Variants in CCSER2 observed in about 807,000 individuals in gnomAD.
CCSER2 encodes coiled-coil serine rich protein 2, also known as serine-rich coiled-coil domain-containing protein 2.
CCSER2 carries 46 observed loss-of-function variants against 92.3 expected under a neutral mutation model. That is an observed-to-expected ratio of 0.50 (90% CI 0.39 to 0.64). The LOEUF (loss-of-function observed/expected upper bound fraction) is 0.64, where lower values mean the gene tolerates loss of function less well. Among genes scored for constraint, CCSER2 ranks in the 30% least tolerant of loss-of-function variants. The probability of loss-of-function intolerance (pLI) is 0.00; values close to 1 mark genes in which losing one functional copy is unlikely to be tolerated. For missense variants in CCSER2, 1,244 were observed against 1,238.9 expected, an observed-to-expected ratio of 1.00 and a Z score of -0.06; for synonymous variants, 433 against 431.4, an observed-to-expected ratio of 1.00 and a Z score of -0.04.
At chr10:84,397,368 A>C (rs1421691110) in intron 3 of CCSER2, among the ~76,000 whole-genome samples, 1 of 152,218 alleles carries the variant, frequency 6.6e-6, no homozygotes, top group African/African-American at 2.4e-5. Flanking sequence ...CATTTGATGT[A>C]ATATACAAAA....
rs895430217 is a variant in CCSER2 at position 84,518,364 on chromosome 10, T to C, written c.*4097T>C. ...TTACTAACAAAGAGCAAAAATAATA[T>C]CTGCAGTATTGTTTTTCCCATTGAT... On this transcript the variant is annotated 3_prime_UTR_variant, in exon 10 of 10. Coordinates refer to ENST00000372088, the MANE Select transcript of CCSER2 (RefSeq NM_001284240.2). 5 of 152,616 alleles carry C rather than the reference T, an allele frequency of 3.3e-5. No individual in the cohort carries two copies. The highest frequency in any genetic ancestry group is 9.7e-5 in the African/African-American group (4 of 41,430). The allele number at this position is 152,616 out of a possible 1,614,324, so 9.5% of individuals were successfully genotyped here. A position where few individuals can be genotyped will look rare whatever the true frequency, so the allele number is the denominator to read the frequency against.
At chr10:84,480,555 T>C (rs1357139854) in intron 9 of CCSER2, among the ~76,000 whole-genome samples, 1 of 152,184 alleles carries the variant, frequency 6.6e-6, no homozygotes, top group African/African-American at 2.4e-5. Context: ...GAATACTTTA[T>C]GAGTAACCTG....
intron 3 of CCSER2, among the ~76,000 whole-genome samples, chr10:84,381,134 T>G (rs1840884201): frequency 6.6e-6 from 1 of 152,194 alleles, no homozygotes; most frequent in Non-Finnish European, 1.5e-5. Context: ...ATTTTGAGTA[T>G]CATCTCTCAC....
At chr10:84,473,461 T>G (rs1327061866) in intron 8 of CCSER2, among the ~76,000 whole-genome samples, 1 of 152,228 alleles carries the variant, frequency 6.6e-6, no homozygotes, top group African/African-American at 2.4e-5. Flanking sequence ...ATTCACTGCT[T>G]CTCATTGCAA....
At position 84,515,247 on chromosome 10, in the gene CCSER2, T is replaced by G. The variant is rs1318023281; in HGVS notation, c.*980T>G. The G allele has an allele frequency of 6.6e-6, 1 of 152,636 alleles. No individual in the cohort carries two copies. The highest frequency in any genetic ancestry group is 1.5e-5 in the Non-Finnish European group (1 of 68,040). The allele number at this position is 152,636 out of a possible 1,614,324, so 9.5% of individuals were successfully genotyped here. A position where few individuals can be genotyped will look rare whatever the true frequency, so the allele number is the denominator to read the frequency against. ...ACTGAAATAATGAACTTGAAACATT[T>G]GCACAAAACTTTGATGGGGTATAAA... On this transcript the variant is annotated 3_prime_UTR_variant, in exon 10 of 10. Transcript: ENST00000372088.
intron 3 of CCSER2, among the ~76,000 whole-genome samples, chr10:84,400,999 A>G (rs962600118): frequency 5.3e-5 from 8 of 152,224 alleles, no homozygotes; most frequent in Non-Finnish European, 1.2e-4. Flanking sequence ...AGGCAGGCAG[A>G]TCGCTTGAAC....
At chr10:84,443,445 A>C (rs984856238) in intron 6 of CCSER2, among the ~76,000 whole-genome samples, 9 of 152,270 alleles carry the variant, frequency 5.9e-5, no homozygotes, top group African/African-American at 2.2e-4. Flanking sequence ...ACAATGAGAT[A>C]CCATCTCATG....
At chr10:84,382,892 A>G (rs561514359) in intron 3 of CCSER2, among the ~76,000 whole-genome samples, 29 of 152,364 alleles carry the variant, frequency 1.9e-4, no homozygotes, top group African/African-American at 6.3e-4. Flanking sequence ...TGACACACCA[A>G]CAAGTAGGTA....
At chr10:84,474,903 A>C (rs1358643899) in intron 8 of CCSER2, among the ~76,000 whole-genome samples, 1 of 152,176 alleles carries the variant, frequency 6.6e-6, no homozygotes, top group Non-Finnish European at 1.5e-5. Context: ...TTGTAAACTC[A>C]ACAAGAAATT....
At chr10:84,432,796 A>G (rs1843859574) in intron 5 of CCSER2, among the ~76,000 whole-genome samples, 1 of 152,172 alleles carries the variant, frequency 6.6e-6, no homozygotes, top group Non-Finnish European at 1.5e-5. Flanking sequence ...CTCATTGCCA[A>G]ATCCAAGGTC....
intron 6 of CCSER2, among the ~76,000 whole-genome samples, chr10:84,439,651 T>C (rs899876056): frequency 1.3e-5 from 2 of 152,240 alleles, no homozygotes; most frequent in African/African-American, 4.8e-5. Context: ...TCAGGGATCT[T>C]CTGTACTACT....
chr10:84,342,064 C>A (rs1159201825), intron 1 of CCSER2, among the ~76,000 whole-genome samples: 1 of 151,582 alleles, frequency 6.6e-6, no homozygotes, highest in East Asian at 1.9e-4. Flanking sequence ...CAGTCCCCTT[C>A]CCCCCCCTGG....
intron 9 of CCSER2, among the ~76,000 whole-genome samples, chr10:84,498,984 A>C (rs942853799): frequency 1.3e-5 from 2 of 152,234 alleles, no homozygotes; most frequent in Non-Finnish European, 2.9e-5. Flanking sequence ...GCCACAAGTT[A>C]TTGAAATTAA....
intron 9 of CCSER2, among the ~76,000 whole-genome samples, chr10:84,490,435 A>T (rs1382570945): frequency 6.6e-6 from 1 of 151,990 alleles, no homozygotes; most frequent in African/African-American, 2.4e-5. Flanking sequence ...GGCTTTGTTC[A>T]TTTCTTTTTA....
In CCSER2 at chr10:84,356,657, CA is replaced by C. The variant is rs555910167; in HGVS notation, c.-39-14356del. 9.1e-4 allele frequency among the ~76,000 whole-genome samples: 138 copies of C among 152,222 alleles called. 1 individual carries two copies. Among genetic ancestry groups the C allele is most frequent in the African/African-American group, 3.1e-3 (130 of 41,524 alleles). ...AATACATTATTAAGAAGGAAGCTAT[CA>C]GGGAAGAGATCGGTTTCTTCATTAG... On this transcript the variant is annotated intron_variant, in intron 1 of 9. Coordinates refer to ENST00000372088, the MANE Select transcript of CCSER2 (RefSeq NM_001284240.2).
intron 4 of CCSER2, among the ~76,000 whole-genome samples, chr10:84,418,491 G>A (rs897379920): frequency 2.6e-5 from 4 of 152,184 alleles, no homozygotes; most frequent in Non-Finnish European, 5.9e-5. Context: ...GGAGGCAAAG[G>A]TTGAAATGGG....
intron 9 of CCSER2, among the ~76,000 whole-genome samples, chr10:84,483,790 CTT>C (rs778893851): frequency 3.0e-5 from 4 of 134,534 alleles, no homozygotes; most frequent in African/African-American, 2.7e-5. Context: ...TTTTTCTTTT[CTT>C]TTTTTTTTTT....
At chr10:84,504,914 A>G (rs1475440137) in intron 9 of CCSER2, among the ~76,000 whole-genome samples, 1 of 152,172 alleles carries the variant, frequency 6.6e-6, no homozygotes, top group African/African-American at 2.4e-5. Flanking sequence ...ATTCTGTTCT[A>G]CTTCCAGAGT....
rs781296633 is a variant in CCSER2, at chr10:84,514,282, C to T, written c.*15C>T. 4.0e-6 allele frequency: 6 copies of T among 1,495,920 alleles called. No homozygotes were observed. Among genetic ancestry groups the T allele is most frequent in the African/African-American group, 2.8e-5 (2 of 71,816 alleles). The allele number at this position is 1,495,920 out of a possible 1,614,324, so 92.7% of individuals were successfully genotyped here. On this transcript the variant is annotated 3_prime_UTR_variant, in exon 10 of 10. Transcript: ENST00000372088. Reference sequence around the variant, plus strand: ...AGATACATTAAGTACATAGCCATCACCTGCCAATTTGTTTCTTAAAAACAA... The same window carrying T: ...AGATACATTAAGTACATAGCCATCATCTGCCAATTTGTTTCTTAAAAACAA...
Sources: allele counts gnomAD v4.1 joint callset (sites outside exome capture counted in the v4.1 genomes callset), GRCh38; gene constraint gnomAD v4.1.1; transcripts MANE v1.5; gene names NCBI Gene and HGNC (gene_info 2026-07-23, HGNC 2026-07-21).